Variants in CRACDL observed in about 807,000 individuals in gnomAD.
CRACDL encodes the protein CRACD-like protein.
Under a neutral mutation model 70.6 loss-of-function variants are expected in CRACDL, and 26 were observed. The observed-to-expected ratio is 0.37, with a 90% CI of 0.27 to 0.51. The LOEUF (loss-of-function observed/expected upper bound fraction) is 0.51. Ranked by LOEUF, CRACDL falls within the 20% of genes least tolerant of loss-of-function variation. The pLI, the probability that CRACDL is intolerant of heterozygous loss-of-function variation, is 0.94. For synonymous variants in CRACDL, 618 were observed against 615.2 expected (o/e 1.00, Z -0.07); for missense variants, 1,283 against 1,376.9 (o/e 0.93, Z 1.08).
chr2:98,877,437 C>A (rs536780107), intron 1 of CRACDL, among the ~76,000 whole-genome samples: 1 of 152,318 alleles, frequency 6.6e-6, no homozygotes, highest in Admixed American at 6.5e-5. Context: ...GACATTGTAA[C>A]ATCATAGTGC....
At chr2:98,927,602 C>G (rs529919614) in intron 1 of CRACDL, among the ~76,000 whole-genome samples, 1 of 151,608 alleles carries the variant, frequency 6.6e-6, no homozygotes, top group Non-Finnish European at 1.5e-5. Context: ...GGAGACGGTA[C>G]GCAAAGGCAC....
chr2:98,801,740 G>A (rs2104408500), intron 7 of CRACDL, among the ~76,000 whole-genome samples: 1 of 152,318 alleles, frequency 6.6e-6, no homozygotes, highest in African/African-American at 2.4e-5. Context: ...CGTGGTTGGT[G>A]AAGATCAGGT....
chr2:98,838,165 C>T lies in CRACDL; in HGVS notation c.193G>A (p.Ala65Thr), dbSNP rs772337222. Residue 65 changes from alanine to threonine, a missense_variant, in exon 3 of 10, where the codon GCC (alanine) becomes ACC (threonine). Physicochemically the swap from Ala to Thr is moderately conservative, Grantham distance 58. This residue lies in a region of CRACDL where 362 missense variants were observed against 495.0 expected (regional missense o/e 0.73). Coordinates refer to ENST00000397899, the MANE Select transcript of CRACDL (RefSeq NM_207362.3). Reference protein sequence around the residue: ...KQSQTRNEVIAIESGPVGYDS... With the variant: ...KQSQTRNEVITIESGPVGYDS... The stretch of plus-strand genomic sequence containing the variant: ...TAGCCCACTGGCCCGGATTCGATGG[C>T]AATGACCTCATTCCTCGTCTGACTT... 4 of 1,613,816 alleles carry T rather than the reference C, an allele frequency of 2.5e-6. No individual in the cohort carries two copies. The Admixed American group carries it at 6.7e-5, about 27-fold the overall frequency.
chr2:98,841,099 T>A (rs1233460250), intron 2 of CRACDL, among the ~76,000 whole-genome samples: 1 of 152,198 alleles, frequency 6.6e-6, no homozygotes, highest in East Asian at 1.9e-4. Flanking sequence ...TCAATCTGTG[T>A]AGCTACACCA....
intron 1 of CRACDL, among the ~76,000 whole-genome samples, chr2:98,866,276 G>A (rs1353521398): frequency 6.6e-6 from 1 of 151,996 alleles, no homozygotes; most frequent in Non-Finnish European, 1.5e-5. Context: ...AAAGTAAGGC[G>A]TGGCCTAGAG....
At position 98,796,199 on chromosome 2, in the gene CRACDL, A is replaced by C. The variant is rs371800788; in HGVS notation, c.2670T>G (p.Ala890=). Residue 890 remains alanine, a synonymous_variant, in exon 9 of 10, where the codon GCT becomes GCG. Coordinates refer to ENST00000397899, the MANE Select transcript of CRACDL (RefSeq NM_207362.3). The stretch of plus-strand genomic sequence containing the variant: ...GCTTTGCCCCCTGCTTCCGGTCCAC[A>C]GCGGGCTTCACAGGGGTTATCAGGA... ...KSFLITPVKP[A]VDRKQGAKLN... is the part of the protein sequence containing the mutation. The C allele has an allele frequency of 3.1e-6, 5 of 1,614,080 alleles. No homozygotes were observed. In the African/African-American group the frequency reaches 6.7e-5, roughly 22 times the overall value.
chr2:98,929,729 T>C (rs1709022926), intron 1 of CRACDL, among the ~76,000 whole-genome samples: 2 of 152,210 alleles, frequency 1.3e-5, no homozygotes, highest in East Asian at 1.9e-4. Flanking sequence ...ATAAGGGGCA[T>C]TTGTCAAATT....
intron 1 of CRACDL, among the ~76,000 whole-genome samples, chr2:98,872,361 A>C (rs1377289068): frequency 5.9e-5 from 9 of 152,198 alleles, no homozygotes; most frequent in Non-Finnish European, 1.3e-4. Flanking sequence ...CTGTCTCAAA[A>C]GAAAAGAAAA....
chr2:98,822,786 C>G lies in CRACDL; in HGVS notation c.1487G>C (p.Ser496Thr). 2 of 1,351,098 alleles carry G rather than the reference C, an allele frequency of 1.5e-6. No individual in the cohort carries two copies. The highest frequency in any genetic ancestry group is 1.9e-6 in the Non-Finnish European group (2 of 1,056,920). The allele number at this position is 1,351,098 out of a possible 1,614,324, so 83.7% of individuals were successfully genotyped here. ...APAPSPPAPKSCLKHRPAAAS... is the reference protein window; with the variant it reads ...APAPSPPAPKTCLKHRPAAAS... The stretch of plus-strand genomic sequence containing the variant: ...GGCCGCGGGCCGGTGTTTCAGGCAG[C>G]TCTTGGGCGCCGGCGGGCTCGGGGC... The change falls in exon 7 of 10, where the codon AGC becomes ACC. Residue 496 changes from serine (S) to threonine (T), a missense_variant. Physicochemically the swap from Ser to Thr is moderately conservative, Grantham distance 58. Around this residue, in one of 2 missense-constraint regions of CRACDL, gnomAD observed 921 missense variants for 881.9 expected, o/e 1.04. Coordinates refer to ENST00000397899, the MANE Select transcript of CRACDL (RefSeq NM_207362.3). The surrounding 1 kb of genome is among the most constrained non-coding windows in gnomAD (Gnocchi z 4.9).
intron 1 of CRACDL, among the ~76,000 whole-genome samples, chr2:98,930,886 T>C (rs1364591904): frequency 6.6e-6 from 1 of 152,120 alleles, no homozygotes; most frequent in African/African-American, 2.4e-5. Context: ...TACCTATAAA[T>C]AATTTATGGA....
At chr2:98,912,464 C>T (rs2104677933) in intron 1 of CRACDL, among the ~76,000 whole-genome samples, 1 of 152,342 alleles carries the variant, frequency 6.6e-6, no homozygotes, top group South Asian at 2.1e-4. Context: ...TTGTCTCCGG[C>T]AGGCGGGGGT....
At chr2:98,869,405 C>T (rs1035245774) in intron 1 of CRACDL, 1 of 618,942 alleles carries the variant, frequency 1.6e-6, no homozygotes, top group Non-Finnish European at 2.3e-6. Flanking sequence ...CCTTCCACTC[C>T]AAGCCCTGAA....
At chr2:98,819,874 C>A (rs1704950778) in intron 7 of CRACDL, among the ~76,000 whole-genome samples, 1 of 132,864 alleles carries the variant, frequency 7.5e-6, no homozygotes, top group African/African-American at 2.9e-5. Flanking sequence ...GGCTGGAGTG[C>A]AGTGGCGTGA....
chr2:98,879,871 T>TA (rs1423923169), intron 1 of CRACDL, among the ~76,000 whole-genome samples: 2 of 152,214 alleles, frequency 1.3e-5, no homozygotes, highest in African/African-American at 4.8e-5. Context: ...CAAAGATCTT[T>TA]AAAAAAGCAG....
intron 1 of CRACDL, among the ~76,000 whole-genome samples, chr2:98,847,270 T>C (rs181621327): frequency 5.9e-4 from 90 of 152,356 alleles, no homozygotes; most frequent in Non-Finnish European, 9.7e-4. Flanking sequence ...ACACATATCA[T>C]ATTAGGAAGC....
intron 6 of CRACDL, among the ~76,000 whole-genome samples, chr2:98,824,386 C>T (rs1705222661): frequency 1.3e-5 from 2 of 150,824 alleles, no homozygotes; most frequent in Non-Finnish European, 2.9e-5. Flanking sequence ...CCTTCTCTGG[C>T]CTCCTGAAGC....
intron 1 of CRACDL, among the ~76,000 whole-genome samples, chr2:98,868,165 G>A (rs2104590510): frequency 6.6e-6 from 1 of 152,296 alleles, no homozygotes; most frequent in East Asian, 1.9e-4. Flanking sequence ...TCTTCACAAG[G>A]AATCCTTGAG....
intron 7 of CRACDL, among the ~76,000 whole-genome samples, chr2:98,802,775 G>A (rs1704131670): frequency 6.6e-6 from 1 of 152,216 alleles, no homozygotes; most frequent in Non-Finnish European, 1.5e-5. Context: ...GGAAGCTGAG[G>A]GCTGTCAAGC....
At chr2:98,914,376 AG>A (rs959424033) in intron 1 of CRACDL, among the ~76,000 whole-genome samples, 2 of 152,040 alleles carry the variant, frequency 1.3e-5, no homozygotes, top group Non-Finnish European at 2.9e-5. Flanking sequence ...CCTCCCCTCA[AG>A]GTTGGGGCCC....
Sources: gnomAD v4.1 joint callset for allele counts (sites outside exome capture counted in the v4.1 genomes callset) on GRCh38, gnomAD v4.1.1 for gene constraint, gnomAD v4.1.1 regional missense constraint, Gnocchi (gnomAD v3.1) non-coding constraint, MANE v1.5 for transcripts, NCBI Gene and HGNC (gene_info 2026-07-23, HGNC 2026-07-21) for gene names.